PLCG2: variants seen among roughly 807,000 people sequenced by gnomAD.
The protein encoded by PLCG2 is 1-phosphatidylinositol 4,5-bisphosphate phosphodiesterase gamma-2.
Under a neutral mutation model 175.6 loss-of-function variants are expected in PLCG2, and 69 were observed. The ratio of observed to expected loss-of-function variants is 0.39; its 90% CI spans 0.32 to 0.48. The LOEUF (loss-of-function observed/expected upper bound fraction) is 0.48. Ranked by LOEUF, PLCG2 falls within the 20% of genes least tolerant of loss-of-function variation. The pLI is 0.91. For missense variants in PLCG2, 1,798 were observed against 1,650.9 expected (o/e 1.09, Z -1.54); for synonymous variants, 827 against 624.0 (o/e 1.33, Z -4.85).
intron 30 of PLCG2, 46 bp from the exon 31 acceptor site, chr16:81,946,129 G>T: frequency 1.4e-6 from 2 of 1,465,544 alleles, no homozygotes; most frequent in South Asian, 2.3e-5. Context: ...TCTAAGGTCT[G>T]ACATTAATTA....
rs1167116769 is a variant in PLCG2, at chr16:81,835,809, C to T, written c.194-18635C>T. ...TGGAGGCTCTAGGGGAGGATCCTTC[C>T]TCTCCTCTTCCTGGCCTCTGGTAGC... is the stretch of plus-strand genomic sequence containing the variant. On this transcript the variant is annotated intron_variant, in intron 2 of 32. Transcript: ENST00000564138. Among the ~76,000 whole-genome samples, 5 of 152,130 alleles carry T rather than the reference C, an allele frequency of 3.3e-5. No homozygotes were observed. In the South Asian group the frequency reaches 8.3e-4, roughly 25 times the overall value.
At chr16:81,775,895 C>G (rs1211447105), upstream of PLCG2, among the ~76,000 whole-genome samples, 3 of 151,698 alleles carry the variant, frequency 2.0e-5, no homozygotes, top group African/African-American at 4.8e-5. Flanking sequence ...GCCTGAATGC[C>G]TCTTATTAAT....
chr16:81,835,201 C>T (rs1199419699), intron 2 of PLCG2, among the ~76,000 whole-genome samples: 1 of 152,160 alleles, frequency 6.6e-6, no homozygotes, highest in African/African-American at 2.4e-5. Flanking sequence ...AATAATGACT[C>T]CTCTGTCGTA....
chr16:81,764,586 C>T (rs1475836945), intron 2 of PLCG2, among the ~76,000 whole-genome samples: 2 of 152,212 alleles, frequency 1.3e-5, no homozygotes, highest in African/African-American at 4.8e-5. Context: ...TGTCTTTCAG[C>T]CACAGGCTGA....
At chr16:81,799,700 C>G (rs541717223) in intron 2 of PLCG2, among the ~76,000 whole-genome samples, 77 of 151,130 alleles carry the variant, frequency 5.1e-4, no homozygotes, top group Admixed American at 1.3e-3. Context: ...TCACACCATT[C>G]TCCTGCCTCA....
At chr16:81,805,401 A>T (rs1162226128) in intron 2 of PLCG2, among the ~76,000 whole-genome samples, 6 of 150,196 alleles carry the variant, frequency 4.0e-5, no homozygotes, top group Non-Finnish European at 7.4e-5. Flanking sequence ...CAGGAGGCTG[A>T]GGCAGGAGAA....
chr16:81,899,712 AG>A (rs1490798350), intron 13 of PLCG2, among the ~76,000 whole-genome samples: 1 of 152,202 alleles, frequency 6.6e-6, no homozygotes, highest in Non-Finnish European at 1.5e-5. Flanking sequence ...GTTCCTGAGC[AG>A]GAGAAGGCTG....
chr16:81,878,572 G>A (rs985651178), intron 7 of PLCG2, among the ~76,000 whole-genome samples: 4 of 152,138 alleles, frequency 2.6e-5, no homozygotes, highest in African/African-American at 4.8e-5. Context: ...TACTCCAAGA[G>A]CTGTCTACGC....
chr16:81,923,535 T>C lies in PLCG2; in HGVS notation c.2358T>C (p.Asp786=), dbSNP rs2143692621. ...ALYDYKAKRS[D]ELSFCRGALI... ...ATGACTACAAAGCCAAGCGAAGCGA[T>C]GAGCTGAGCTTCTGCCGTGGTGCCC... The change falls in exon 22 of 33, where the codon GAT becomes GAC. Residue 786 remains aspartate (D), a synonymous_variant. Coordinates refer to ENST00000564138, the MANE Select transcript of PLCG2 (RefSeq NM_002661.5). The C allele has an allele frequency of 6.2e-7, 1 of 1,613,482 alleles. No individual in the cohort carries two copies. Among genetic ancestry groups the C allele is most frequent in the Admixed American group, 1.7e-5 (1 of 60,030 alleles).
At chr16:81,914,964 C>G (rs1477516492) in intron 19 of PLCG2, among the ~76,000 whole-genome samples, 3 of 152,214 alleles carry the variant, frequency 2.0e-5, no homozygotes, top group Non-Finnish European at 4.4e-5. Context: ...CACTGCATGT[C>G]TGTCTGGGAC....
At chr16:81,832,076 C>T (rs151120062) in intron 2 of PLCG2, among the ~76,000 whole-genome samples, 3 of 150,196 alleles carry the variant, frequency 2.0e-5, no homozygotes, top group Admixed American at 6.7e-5. Context: ...TGTCGTCCTC[C>T]GGCCTCAGTC....
At chr16:81,750,663 A>ATTTTTTTTTT (rs543220131) in intron 1 of PLCG2, among the ~76,000 whole-genome samples, 13,533 of 67,518 alleles carry the variant, frequency 0.2, 4,436 homozygotes, top group Non-Finnish European at 0.26. Flanking sequence ...GGGACTGGAG[A>ATTTTTTTTTT]TTTTTTTTTT....
chr16:81,791,970 A>G (rs143025883), intron 2 of PLCG2, among the ~76,000 whole-genome samples: 28 of 152,338 alleles, frequency 1.8e-4, no homozygotes, highest in African/African-American at 5.5e-4. Flanking sequence ...ATCCGAGGAC[A>G]TCACTTGCAC....
intron 2 of PLCG2, among the ~76,000 whole-genome samples, chr16:81,837,291 C>T (rs908145137): frequency 8.5e-5 from 13 of 152,366 alleles, no homozygotes; most frequent in African/African-American, 3.1e-4. Flanking sequence ...ACTACCTCAA[C>T]TCCTTGCTGA....
intron 12 of PLCG2, among the ~76,000 whole-genome samples, chr16:81,894,632 A>G (rs1473481467): frequency 6.6e-6 from 1 of 152,016 alleles, no homozygotes; most frequent in Non-Finnish European, 1.5e-5. Flanking sequence ...CAGCACTGTG[A>G]GAGGTCGAGG....
chr16:81,750,663 A>ATTTGTTTTTTTTTT (rs1909790978), intron 1 of PLCG2, among the ~76,000 whole-genome samples: 2 of 68,464 alleles, frequency 2.9e-5, no homozygotes, highest in African/African-American at 1.0e-4. Flanking sequence ...GGGACTGGAG[A>ATTTGTTTTTTTTTT]TTTTTTTTTT....
intron 1 of PLCG2, among the ~76,000 whole-genome samples, chr16:81,754,965 G>T (rs913650832): frequency 6.6e-6 from 1 of 152,156 alleles, no homozygotes; most frequent in African/African-American, 2.4e-5. Flanking sequence ...CATTGGCAGA[G>T]GAAGAACCAG....
intron 2 of PLCG2, chr16:81,798,831 C>T (rs991353003): frequency 6.6e-6 from 1 of 152,356 alleles, no homozygotes; most frequent in Non-Finnish European, 1.5e-5. Flanking sequence ...CCTCCCCGGC[C>T]TCAGGACTTC....
chr16:81,956,776 G>A lies in PLCG2; in HGVS notation c.3652G>A (p.Asp1218Asn), dbSNP rs1911585975. The A allele has an allele frequency of 6.2e-7, 1 of 1,614,160 alleles. No individual in the cohort carries two copies. The highest frequency in any genetic ancestry group is 8.5e-7 in the Non-Finnish European group (1 of 1,180,012). Residue 1218 changes from aspartate (D) to asparagine (N), a missense_variant, in exon 32 of 33, where the codon GAC (aspartate) becomes AAC (asparagine). Coordinates refer to ENST00000564138, the MANE Select transcript of PLCG2 (RefSeq NM_002661.5). ...EELNNQLFLYDTHQNLRNANR... is the reference protein window; with the variant it reads ...EELNNQLFLYNTHQNLRNANR... ...ACTGAACAACCAGCTCTTTCTGTAT[G>A]ACACACACCAGAACTTGCGCAATGC... is the stretch of plus-strand genomic sequence containing the variant.
Sources: gnomAD v4.1 joint callset for allele counts (sites outside exome capture counted in the v4.1 genomes callset) on GRCh38, gnomAD v4.1.1 for gene constraint, MANE v1.5 for transcripts, NCBI Gene and HGNC (gene_info 2026-07-23, HGNC 2026-07-21) for gene names.